Variants in SNRPD1 observed in about 807,000 individuals in gnomAD.
SNRPD1 encodes the protein small nuclear ribonucleoprotein D1 polypeptide.
SNRPD1 carries 1 observed loss-of-function variant against 14.4 expected under a neutral mutation model. That is an observed-to-expected ratio of 0.07 (90% CI 0.02 to 0.33). The LOEUF (loss-of-function observed/expected upper bound fraction) is 0.33. Among genes scored for constraint, SNRPD1 ranks in the 10% least tolerant of loss-of-function variants. SNRPD1 has a pLI of 1.00. For missense variants in SNRPD1, 52 were observed against 146.4 expected, an observed-to-expected ratio of 0.36 and a Z score of 3.33; for synonymous variants, 42 against 50.3, an observed-to-expected ratio of 0.83 and a Z score of 0.70.
chr18:21,615,999 T>C (rs1178194808), intron 1 of SNRPD1, among the ~76,000 whole-genome samples: 2 of 152,188 alleles, frequency 1.3e-5, no homozygotes, highest in Non-Finnish European at 2.9e-5. Flanking sequence ...TATTTGTTTG[T>C]TTTTGAGGCG....
intron 3 of SNRPD1, among the ~76,000 whole-genome samples, chr18:21,625,570 C>T (rs1204653033): frequency 6.6e-6 from 1 of 151,984 alleles, no homozygotes; most frequent in Non-Finnish European, 1.5e-5. Context: ...CCCGCCTCGG[C>T]CTTCCAAAGT....
chr18:21,622,227 C>A (rs1374053296), intron 1 of SNRPD1, among the ~76,000 whole-genome samples: 1 of 151,810 alleles, frequency 6.6e-6, no homozygotes, highest in Non-Finnish European at 1.5e-5. Flanking sequence ...GAGAGCTCTG[C>A]TTCCCAGGTT....
rs1020519717 is a variant in SNRPD1, at chr18:21,633,097, G to T, written c.*3959G>T. The T allele has an allele frequency of 6.6e-6, 1 of 152,192 alleles. No individual in the cohort carries two copies. The highest frequency in any genetic ancestry group is 1.9e-4 in the East Asian group (1 of 5,170). 9.4% of individuals were successfully genotyped at this position (152,192 alleles called of 1,614,324 possible). On this transcript the variant is annotated 3_prime_UTR_variant, in exon 4 of 4. Transcript: ENST00000300413. ...AATCTCCTGACCTCGTGATTCGCCC[G>T]CCTCGGCCTCCCAAAGTGCTGGGAT...
At chr18:21,612,804 C>T (rs2038929130) in intron 1 of SNRPD1, among the ~76,000 whole-genome samples, 1 of 152,242 alleles carries the variant, frequency 6.6e-6, no homozygotes, top group African/African-American at 2.4e-5. Context: ...GCTGTATGAG[C>T]TTATCTGGAA....
At chr18:21,617,756 A>C (rs997700808) in intron 1 of SNRPD1, among the ~76,000 whole-genome samples, 2 of 152,124 alleles carry the variant, frequency 1.3e-5, no homozygotes, top group African/African-American at 4.8e-5. Context: ...TCATCGTAGC[A>C]CTTTGTGAGG....
intron 2 of SNRPD1, among the ~76,000 whole-genome samples, chr18:21,623,268 T>C: frequency 6.6e-6 from 1 of 152,178 alleles, no homozygotes; most frequent in Admixed American, 6.5e-5. Context: ...ATTTTTTATA[T>C]TTTTGGTAGA....
In SNRPD1 at chr18:21,632,825, T is replaced by TTTTTCTTTTCTTTTCTTTTC. The variant is rs1192639095; in HGVS notation, c.*3702_*3721dup. On this transcript the variant is annotated 3_prime_UTR_variant, in exon 4 of 4. Coordinates refer to ENST00000300413, the MANE Select transcript of SNRPD1 (RefSeq NM_006938.4). Reference sequence around the variant, plus strand: ...AGATGTTACATATGAACTTTAGTTTTTTTTCTTTTCTTTTCTTTTCTTTTC... The same window carrying TTTTTCTTTTCTTTTCTTTTC: ...AGATGTTACATATGAACTTTAGTTTTTTTTCTTTTCTTTTCTTTTCTTTTCTTTTCTTTTCTTTTCTTTTC... The TTTTTCTTTTCTTTTCTTTTC allele has an allele frequency of 4.6e-5, 7 of 150,688 alleles. No homozygotes were observed. The highest frequency in any genetic ancestry group is 1.8e-4 in the African/African-American group (7 of 39,560). 9.3% of individuals were successfully genotyped at this position (150,688 alleles called of 1,614,324 possible). A position where few individuals can be genotyped will look rare whatever the true frequency, so the allele number is the denominator to read the frequency against.
At chr18:21,614,238 G>C (rs893327682) in intron 1 of SNRPD1, among the ~76,000 whole-genome samples, 2 of 152,192 alleles carry the variant, frequency 1.3e-5, no homozygotes, top group Admixed American at 6.6e-5. Context: ...CTGCACTCCA[G>C]CCTGGGCAAC....
intron 3 of SNRPD1, among the ~76,000 whole-genome samples, chr18:21,624,573 C>T (rs921278112): frequency 2.0e-5 from 3 of 151,574 alleles, no homozygotes; most frequent in Admixed American, 6.6e-5. Context: ...TGCCTTTAGT[C>T]CCAGTTACTC....
At chr18:21,624,071 C>A (rs1243737728) in intron 3 of SNRPD1, 132 bp downstream of exon 3, 1 of 634,512 alleles carries the variant, frequency 1.6e-6, no homozygotes, top group Non-Finnish European at 2.7e-6. Flanking sequence ...TATAGTAATT[C>A]TTGGTGTTGC....
In SNRPD1 at chr18:21,629,371, T is replaced by C. The variant is rs138203136; in HGVS notation, c.*233T>C. The C allele has an allele frequency of 2.3e-6, 1 of 427,228 alleles. No homozygotes were observed. Among genetic ancestry groups the C allele is most frequent in the African/African-American group, 2.0e-5 (1 of 49,806 alleles). The allele number at this position is 427,228 out of a possible 1,614,324, so 26.5% of individuals were successfully genotyped here. ...GTTTTAAGTTTTTGAACTAAAATTTTTCTTTTTCTTTTTATGATGAATAAG... is the reference window on the plus strand; with the variant it reads ...GTTTTAAGTTTTTGAACTAAAATTTCTCTTTTTCTTTTTATGATGAATAAG... On this transcript the variant is annotated 3_prime_UTR_variant, in exon 4 of 4. Transcript: ENST00000300413.
intron 3 of SNRPD1, 35 bp from the exon 4 acceptor site, chr18:21,629,027 A>G (rs529792960): frequency 1.3e-6 from 2 of 1,538,362 alleles, no homozygotes; most frequent in South Asian, 1.1e-5. Context: ...GGTGCAGGAG[A>G]GAATTGAACT....
intron 3 of SNRPD1, among the ~76,000 whole-genome samples, chr18:21,626,045 G>T (rs1395527740): frequency 6.6e-6 from 1 of 152,012 alleles, no homozygotes; most frequent in Non-Finnish European, 1.5e-5. Flanking sequence ...CCATTTTAAC[G>T]TGTTCTAGAC....
At chr18:21,626,741 G>A (rs942577768) in intron 3 of SNRPD1, among the ~76,000 whole-genome samples, 1 of 148,588 alleles carries the variant, frequency 6.7e-6, no homozygotes, top group Admixed American at 6.7e-5. Context: ...ACCCGAGATC[G>A]CACTACTGCA....
At chr18:21,615,626 A>G (rs915373631) in intron 1 of SNRPD1, among the ~76,000 whole-genome samples, 3 of 152,186 alleles carry the variant, frequency 2.0e-5, no homozygotes, top group Admixed American at 6.6e-5. Context: ...TCAAAAAAAA[A>G]GAAAAAAGAA....
chr18:21,613,597 C>T (rs2038935827), intron 1 of SNRPD1, among the ~76,000 whole-genome samples: 1 of 152,114 alleles, frequency 6.6e-6, no homozygotes, highest in Non-Finnish European at 1.5e-5. Context: ...TGGCTCACGT[C>T]TGTAATCCCA....
At chr18:21,621,175 AAAGAT>A (rs2146258826) in intron 1 of SNRPD1, among the ~76,000 whole-genome samples, 1 of 152,142 alleles carries the variant, frequency 6.6e-6, no homozygotes, top group South Asian at 2.1e-4. Context: ...GTCAAAAAAA[AAAGAT>A]AAGATATTCA....
intron 1 of SNRPD1, among the ~76,000 whole-genome samples, chr18:21,620,694 G>A (rs1308077809): frequency 1.3e-5 from 2 of 151,880 alleles, no homozygotes. Flanking sequence ...ATCCCAGGAG[G>A]GTGAACAAAT....
intron 2 of SNRPD1, 55 bp from the exon 3 acceptor site, chr18:21,623,692 AT>A: frequency 8.0e-7 from 1 of 1,244,284 alleles, no homozygotes. Context: ...CAGTAGATTA[AT>A]TAGTTGCCTT....
Sources: gnomAD v4.1 joint callset for allele counts (sites outside exome capture counted in the v4.1 genomes callset) on GRCh38, gnomAD v4.1.1 for gene constraint, MANE v1.5 for transcripts, NCBI Gene and HGNC (gene_info 2026-07-23, HGNC 2026-07-21) for gene names.